Variants in USP34 observed in about 807,000 individuals in gnomAD.
USP34 encodes the protein ubiquitin specific peptidase 34.
In USP34, 70 loss-of-function variants were observed where a neutral mutation model predicts 460.3. That is an observed-to-expected ratio of 0.15 (90% confidence interval 0.13 to 0.19). USP34 has a LOEUF of 0.19. Among genes scored for constraint, USP34 ranks in the 10% least tolerant of loss-of-function variants. The probability of loss-of-function intolerance (pLI) is 1.00; values close to 1 mark genes in which losing one functional copy is unlikely to be tolerated. For missense variants in USP34, 3,985 were observed against 4,236.2 expected (o/e 0.94, Z 1.65); for synonymous variants, 1,647 against 1,405.3 (o/e 1.17, Z -3.85).
At chr2:61,364,033 C>A (rs1299640676) in intron 10 of USP34, among the ~76,000 whole-genome samples, 1 of 152,086 alleles carries the variant, frequency 6.6e-6, no homozygotes, top group Non-Finnish European at 1.5e-5. Flanking sequence ...TATGATTCCA[C>A]TTATAGAAGG....
intron 62 of USP34, among the ~76,000 whole-genome samples, chr2:61,225,111 C>T (rs1687689625): frequency 6.6e-6 from 1 of 151,904 alleles, no homozygotes. Context: ...TTTTCTGTAA[C>T]AGATTTTCTG....
Position 61,248,581 on chromosome 2 carries a change from G to A in USP34, c.6324C>T (p.Ser2108=), listed in dbSNP as rs574300928. Residue 2108 remains serine (S), a synonymous_variant, in exon 49 of 80, where the codon TCC becomes TCT. Transcript: ENST00000398571. The stretch of plus-strand genomic sequence containing the variant: ...GCGTCATGTCCAAACGTAATGGGAA[G>A]GAAAAGTGTGTATTCACTTTCTCTT... ...MMKEKVNTHF[S]FPLRLDMTPY... is the part of the protein sequence containing the mutation. 1.2e-6 allele frequency: 2 copies of A among 1,608,458 alleles called. No individual in the cohort carries two copies. The highest frequency in any genetic ancestry group is 1.3e-5 in the African/African-American group (1 of 74,938).
intron 33 of USP34, among the ~76,000 whole-genome samples, chr2:61,291,376 T>G (rs1689846741): frequency 6.6e-6 from 1 of 152,178 alleles, no homozygotes; most frequent in Non-Finnish European, 1.5e-5. Flanking sequence ...TTTGGTAAAC[T>G]GTTTGGAAAT....
chr2:61,376,201 A>G (rs977026798), intron 8 of USP34, among the ~76,000 whole-genome samples: 1 of 144,750 alleles, frequency 6.9e-6, no homozygotes, highest in African/African-American at 2.9e-5. Context: ...AGTGAATTTT[A>G]TATGTATTTA....
intron 1 of USP34, among the ~76,000 whole-genome samples, chr2:61,434,146 A>C (rs1005067216): frequency 1.3e-5 from 2 of 152,190 alleles, no homozygotes; most frequent in African/African-American, 4.8e-5. Flanking sequence ...ACCCTTACTC[A>C]GTGCCTAAGA....
intron 3 of USP34, among the ~76,000 whole-genome samples, chr2:61,399,594 G>A (rs981574071): frequency 2.0e-5 from 3 of 151,752 alleles, no homozygotes; most frequent in South Asian, 2.1e-4. Flanking sequence ...TAACGGTCCC[G>A]GGCGCGGTGG....
intron 78 of USP34, 82 bp downstream of exon 78, chr2:61,190,189 G>C (rs549459447): frequency 2.0e-6 from 3 of 1,493,784 alleles, no homozygotes; most frequent in South Asian, 1.4e-5. Context: ...TTAAAGTTAC[G>C]AGAGTAAAAT....
At chr2:61,362,147 G>T (rs1692294811) in intron 10 of USP34, among the ~76,000 whole-genome samples, 1 of 152,030 alleles carries the variant, frequency 6.6e-6, no homozygotes, top group African/African-American at 2.4e-5. Context: ...TTATCAAAAA[G>T]ACAAAAGATA....
In USP34 at chr2:61,319,147, TAACA is replaced by T. The variant is rs528959493; in HGVS notation, c.3168+22_3168+25del. ...TGAAAAAGGGAACATGGAAAAATAATAACAAACTGAGAGAAATGTAATTACCTTC... is the reference window on the plus strand; with the variant it reads ...TGAAAAAGGGAACATGGAAAAATAATAACTGAGAGAAATGTAATTACCTTC... On this transcript the variant is annotated intron_variant, in intron 22 of 79. Transcript: ENST00000398571. 239 of 1,527,982 alleles carry T rather than the reference TAACA, an allele frequency of 1.6e-4. 3 individuals are homozygous for T. The South Asian group carries it at 3.0e-3, about 19-fold the overall frequency. 94.7% of individuals were successfully genotyped at this position (1,527,982 alleles called of 1,614,324 possible). A position where few individuals can be genotyped will look rare whatever the true frequency, so the allele number is the denominator to read the frequency against.
intron 19 of USP34, among the ~76,000 whole-genome samples, chr2:61,331,610 T>C (rs1336349336): frequency 5.3e-5 from 8 of 152,068 alleles, no homozygotes; most frequent in Admixed American, 4.6e-4. Flanking sequence ...GTGAAAGTAC[T>C]ATTATCAATG....
chr2:61,356,475 G>GCGCGCACGCGCACACA (rs369666693), intron 10 of USP34, among the ~76,000 whole-genome samples: 2 of 128,332 alleles, frequency 1.6e-5, no homozygotes, highest in African/African-American at 5.4e-5. Flanking sequence ...GGGTGAAAGC[G>GCGCGCACGCGCACACA]CACACACACA....
chr2:61,241,987 C>T lies in USP34; in HGVS notation c.6628-168G>A, dbSNP rs140346541. 7.9e-5 allele frequency among the ~76,000 whole-genome samples: 12 copies of T among 152,056 alleles called. No individual in the cohort carries two copies. In the East Asian group the frequency reaches 2.3e-3, roughly 29 times the overall value. ...AATTCTACGTACTTCACAATTTGGC[C>T]AATATATCCTAATATCTTTTTTTTA... is the stretch of plus-strand genomic sequence containing the variant. On this transcript the variant is annotated intron_variant, in intron 51 of 79. Transcript: ENST00000398571.
At chr2:61,384,396 G>T (rs190404477) in intron 5 of USP34, among the ~76,000 whole-genome samples, 12 of 152,108 alleles carry the variant, frequency 7.9e-5, no homozygotes, top group Non-Finnish European at 1.8e-4. Context: ...CTGGACAGGC[G>T]CGGTGGCTCA....
At chr2:61,462,239 CA>C (rs1392860708) in intron 1 of USP34, among the ~76,000 whole-genome samples, 1 of 140,966 alleles carries the variant, frequency 7.1e-6, no homozygotes, top group East Asian at 2.1e-4. Flanking sequence ...GACTCCATCT[CA>C]GGGGGAAAAA....
chr2:61,409,786 C>G (rs1480063909), intron 2 of USP34, among the ~76,000 whole-genome samples: 1 of 152,044 alleles, frequency 6.6e-6, no homozygotes, highest in Non-Finnish European at 1.5e-5. Flanking sequence ...ACCTAAGAAA[C>G]TGATGATCTT....
At chr2:61,465,874 A>G (rs1695747388) in intron 1 of USP34, among the ~76,000 whole-genome samples, 1 of 151,714 alleles carries the variant, frequency 6.6e-6, no homozygotes, top group African/African-American at 2.4e-5. Flanking sequence ...CTCCTCGGGA[A>G]GCTGAGTCAG....
Position 61,187,708 on chromosome 2 carries a change from C to A in USP34, c.*394G>T. 2.2e-6 allele frequency: 1 copy of A among 456,372 alleles called. No individual in the cohort carries two copies. Among genetic ancestry groups the A allele is most frequent in the Non-Finnish European group, 3.0e-6 (1 of 338,150 alleles). 28.3% of individuals were successfully genotyped at this position (456,372 alleles called of 1,614,324 possible). A position where few individuals can be genotyped will look rare whatever the true frequency, so the allele number is the denominator to read the frequency against. ...TTAATTTTGATAATAAGAACCACAG[C>A]GATCGGAGGCAATCTGCCTCTATAA... On this transcript the variant is annotated 3_prime_UTR_variant, in exon 80 of 80. Transcript: ENST00000398571.
chr2:61,350,613 T>C lies in USP34; in HGVS notation c.1332A>G (p.Leu444=), dbSNP rs1671024511. Residue 444 remains leucine, a synonymous_variant, in exon 11 of 80, where the codon CTA becomes CTG. Transcript: ENST00000398571. ...KNLDPVPLRH[L]LNLVSALEPS... ...GCTCAAGAGCTGAGACCAGATTAAG[T>C]AGATGTCTAAGTGGTACGGGATCCA... 1 of 1,613,630 alleles carries C rather than the reference T, an allele frequency of 6.2e-7. No homozygotes were observed. Among genetic ancestry groups the C allele is most frequent in the East Asian group, 2.2e-5 (1 of 44,822 alleles).
At chr2:61,309,127 A>C (rs776720325) in intron 27 of USP34, among the ~76,000 whole-genome samples, 2 of 152,226 alleles carry the variant, frequency 1.3e-5, no homozygotes, top group African/African-American at 2.4e-5. Context: ...GAAAGCAAGA[A>C]ACAATGGAGA....
Sources: allele counts gnomAD v4.1 joint callset (sites outside exome capture counted in the v4.1 genomes callset), GRCh38; gene constraint gnomAD v4.1.1; transcripts MANE v1.5; gene names NCBI Gene and HGNC (gene_info 2026-07-23, HGNC 2026-07-21).